Variants in DTD1 observed in about 807,000 individuals in gnomAD.
The protein encoded by DTD1 is D-tyrosyl-tRNA deacylase 1 homolog.
DTD1 carries 13 observed loss-of-function variants against 25.6 expected under a neutral mutation model. That is an observed-to-expected ratio of 0.51 (90% CI 0.33 to 0.81). The LOEUF (loss-of-function observed/expected upper bound fraction) is 0.81, where lower values mean the gene tolerates loss of function less well. Among genes scored for constraint, DTD1 ranks in the 30% least tolerant of loss-of-function variants. The probability of loss-of-function intolerance (pLI) is 0.02; values close to 1 mark genes in which losing one functional copy is unlikely to be tolerated. For missense variants in DTD1, 193 were observed against 266.4 expected (o/e 0.72, Z 1.92); for synonymous variants, 110 against 103.6 (o/e 1.06, Z -0.37).
At chr20:18,669,416 A>G (rs1316028392) in intron 4 of DTD1, among the ~76,000 whole-genome samples, 2 of 152,168 alleles carry the variant, frequency 1.3e-5, no homozygotes, top group Non-Finnish European at 2.9e-5. Context: ...TTTCCGCCTG[A>G]AAGTTGGCCC....
At chr20:18,631,556 C>T (rs1459237426) in intron 4 of DTD1, 1 of 985,526 alleles carries the variant, frequency 1.0e-6, no homozygotes, top group African/African-American at 1.7e-5. Context: ...TGCTCTGCCA[C>T]AGTGTCCTTG....
intron 4 of DTD1, among the ~76,000 whole-genome samples, chr20:18,696,959 G>T (rs1054565043): frequency 6.6e-6 from 1 of 152,004 alleles, no homozygotes; most frequent in Non-Finnish European, 1.5e-5. Context: ...GCAGCCAGGT[G>T]CAGTGGCTCA....
chr20:18,648,524 T>A (rs112418678), intron 4 of DTD1, among the ~76,000 whole-genome samples: 2 of 152,208 alleles, frequency 1.3e-5, no homozygotes, highest in African/African-American at 4.8e-5. Context: ...GGTCTCAGTG[T>A]AAAATGAAAA....
intron 3 of DTD1, among the ~76,000 whole-genome samples, chr20:18,610,680 C>T (rs1040460594): frequency 6.6e-6 from 1 of 152,096 alleles, no homozygotes; most frequent in African/African-American, 2.4e-5. Flanking sequence ...GAGGCCAAGA[C>T]GGGTGGATTG....
At chr20:18,594,868 A>C (rs1409668671) in intron 2 of DTD1, among the ~76,000 whole-genome samples, 1 of 152,226 alleles carries the variant, frequency 6.6e-6, no homozygotes, top group Non-Finnish European at 1.5e-5. Context: ...CCTGGTGCTT[A>C]AGAGATGTGA....
At chr20:18,658,190 TG>T (rs1412077818) in intron 4 of DTD1, among the ~76,000 whole-genome samples, 1 of 8,238 alleles carries the variant, frequency 1.2e-4, no homozygotes, top group Middle Eastern at 0.071. Flanking sequence ...GAGTCTGAGA[TG>T]TGTGTGTGTG....
chr20:18,653,250 T>A (rs1439668900), intron 4 of DTD1, among the ~76,000 whole-genome samples: 2 of 152,060 alleles, frequency 1.3e-5, no homozygotes, highest in African/African-American at 4.8e-5. Context: ...AAAAATTAGC[T>A]GGGTATTATG....
At chr20:18,744,724 G>A (rs1006201305) in intron 5 of DTD1, among the ~76,000 whole-genome samples, 1 of 150,850 alleles carries the variant, frequency 6.6e-6, no homozygotes, top group African/African-American at 2.4e-5. Flanking sequence ...CAAGAGAACA[G>A]TATGGGGGAA....
intron 3 of DTD1, among the ~76,000 whole-genome samples, chr20:18,614,402 A>G (rs1045326823): frequency 1.3e-5 from 2 of 152,210 alleles, no homozygotes; most frequent in African/African-American, 4.8e-5. Context: ...TAGGATGAAC[A>G]TCGGGGCAGG....
chr20:18,607,988 A>G (rs1359194373), intron 3 of DTD1, among the ~76,000 whole-genome samples: 1 of 152,188 alleles, frequency 6.6e-6, no homozygotes, highest in Non-Finnish European at 1.5e-5. Flanking sequence ...TGCTGGGATT[A>G]TAGGCGTTAG....
intron 4 of DTD1, among the ~76,000 whole-genome samples, chr20:18,695,538 TC>T (rs2061071552): frequency 4.7e-5 from 1 of 21,302 alleles, no homozygotes; most frequent in Non-Finnish European, 1.0e-4. Context: ...TCCCTTCCTT[TC>T]CCTTCCCTTC....
At chr20:18,680,690 C>T (rs1262625766) in intron 4 of DTD1, among the ~76,000 whole-genome samples, 2 of 152,046 alleles carry the variant, frequency 1.3e-5, no homozygotes, top group Non-Finnish European at 2.9e-5. Flanking sequence ...CCAAGGCCTC[C>T]GTGTCTCTAC....
chr20:18,721,587 CTCTT>C (rs2061203800), intron 4 of DTD1, among the ~76,000 whole-genome samples: 2 of 152,020 alleles, frequency 1.3e-5, no homozygotes, highest in Admixed American at 6.6e-5. Context: ...TTGGGAGGAT[CTCTT>C]TCTTTTTTCT....
chr20:18,638,300 C>A (rs1045764270), intron 4 of DTD1, among the ~76,000 whole-genome samples: 1 of 152,048 alleles, frequency 6.6e-6, no homozygotes, highest in Admixed American at 6.5e-5. Flanking sequence ...CTGTGCTGGC[C>A]CTGCATGTAG....
chr20:18,734,552 C>T (rs969770872), intron 4 of DTD1, among the ~76,000 whole-genome samples: 7 of 152,202 alleles, frequency 4.6e-5, no homozygotes, highest in African/African-American at 1.7e-4. Flanking sequence ...AGTTGCCTTC[C>T]AGAAGTTTCT....
At chr20:18,688,893 T>TG (rs1467581379) in intron 4 of DTD1, among the ~76,000 whole-genome samples, 13 of 150,498 alleles carry the variant, frequency 8.6e-5, no homozygotes, top group Non-Finnish European at 1.9e-4. Context: ...CTGTGGGGGG[T>TG]GGGGAGGTAT....
rs200560779 is a variant in DTD1, at chr20:18,596,186, C to T, written c.315C>T (p.Phe105=). 7.4e-6 allele frequency: 12 copies of T among 1,614,144 alleles called. No homozygotes were observed. Among genetic ancestry groups the T allele is most frequent in the Non-Finnish European group, 1.0e-5 (12 of 1,180,022 alleles). ...TGCCCACGGAGCAGGCAGAGGGCTT[C>T]TACAACAGCTTCCTGGAGCAGCTGC... The part of the protein sequence containing the change: ...LAMPTEQAEG[F]YNSFLEQLRK... Residue 105 remains phenylalanine, a synonymous_variant, in exon 3 of 6, where the codon TTC becomes TTT. Transcript: ENST00000377452.
At chr20:18,731,347 A>G (rs75699718) in intron 4 of DTD1, among the ~76,000 whole-genome samples, 3,314 of 152,272 alleles carry the variant, frequency 0.022, 57 homozygotes, top group South Asian at 0.046. Flanking sequence ...CTGAATCATT[A>G]GTTTGGTTTT....
chr20:18,610,318 C>T (rs2060681356), intron 3 of DTD1, among the ~76,000 whole-genome samples: 1 of 152,174 alleles, frequency 6.6e-6, no homozygotes, highest in South Asian at 2.1e-4. Context: ...GGCTTGAACT[C>T]CTGGGCTCAA....
Sources: gnomAD v4.1 joint callset for allele counts (sites outside exome capture counted in the v4.1 genomes callset) on GRCh38, gnomAD v4.1.1 for gene constraint, MANE v1.5 for transcripts, NCBI Gene and HGNC (gene_info 2026-07-23, HGNC 2026-07-21) for gene names.